NME7: variants seen among roughly 807,000 people sequenced by gnomAD.
NME7 encodes nucleoside diphosphate kinase 7.
NME7 carries 41 observed loss-of-function variants against 49.1 expected under a neutral mutation model. The ratio of observed to expected loss-of-function variants is 0.83; its 90% CI spans 0.65 to 1.08. NME7 has a LOEUF of 1.08. Ranked by LOEUF, NME7 falls within the 50% of genes least tolerant of loss-of-function variation. NME7 has a pLI of 0.00. For missense variants in NME7, 423 were observed against 463.4 expected (o/e 0.91, Z 0.80); for synonymous variants, 139 against 150.6 (o/e 0.92, Z 0.56).
chr1:169,307,420 G>A (rs1651211479), intron 4 of NME7, among the ~76,000 whole-genome samples: 3 of 152,178 alleles, frequency 2.0e-5, no homozygotes, highest in Admixed American at 2.0e-4. Flanking sequence ...CAAATGAACA[G>A]GTGTGTCAAC....
chr1:169,209,470 T>C (rs986492342), intron 10 of NME7, among the ~76,000 whole-genome samples: 2 of 152,130 alleles, frequency 1.3e-5, no homozygotes, highest in Admixed American at 1.3e-4. Context: ...AAATAAACTA[T>C]GTACTTGCTT....
intron 10 of NME7, among the ~76,000 whole-genome samples, chr1:169,171,781 C>T (rs146556858): frequency 6.6e-6 from 1 of 150,590 alleles, no homozygotes; most frequent in East Asian, 2.0e-4. Context: ...ACAACAACAA[C>T]AAAAATGGTT....
intron 7 of NME7, among the ~76,000 whole-genome samples, chr1:169,274,504 C>A (rs985941890): frequency 1.5e-5 from 2 of 133,758 alleles, no homozygotes; most frequent in African/African-American, 5.1e-5. Context: ...GCTTTTGTTG[C>A]CATTGCTTTT....
At chr1:169,208,280 GTTCATGTT>G (rs1660725632) in intron 10 of NME7, among the ~76,000 whole-genome samples, 1 of 152,062 alleles carries the variant, frequency 6.6e-6, no homozygotes, top group South Asian at 2.1e-4. Flanking sequence ...AAGGTGTCTT[GTTCATGTT>G]TTCATTGCTA....
At chr1:169,170,211 G>C (rs1659541649) in intron 10 of NME7, among the ~76,000 whole-genome samples, 1 of 152,200 alleles carries the variant, frequency 6.6e-6, no homozygotes, top group African/African-American at 2.4e-5. Context: ...GGGGGCTATA[G>C]TGATTGATAA....
At chr1:169,362,376 A>C (rs1378023749) in intron 1 of NME7, among the ~76,000 whole-genome samples, 3 of 152,232 alleles carry the variant, frequency 2.0e-5, no homozygotes, top group African/African-American at 7.2e-5. Flanking sequence ...GAAGATACAT[A>C]ATATTAATAT....
At chr1:169,142,414 T>G (rs929787462) in intron 11 of NME7, among the ~76,000 whole-genome samples, 4 of 152,222 alleles carry the variant, frequency 2.6e-5, no homozygotes, top group Non-Finnish European at 4.4e-5. Context: ...TCTTCAAGTT[T>G]TAGTAAAACG....
chr1:169,193,666 T>C (rs1229667540), intron 10 of NME7, among the ~76,000 whole-genome samples: 1 of 152,184 alleles, frequency 6.6e-6, no homozygotes, highest in East Asian at 1.9e-4. Context: ...TCCTGAGATT[T>C]TGAAATGCTA....
At chr1:169,335,085 T>C (rs1432178940) in intron 1 of NME7, among the ~76,000 whole-genome samples, 1 of 152,084 alleles carries the variant, frequency 6.6e-6, no homozygotes, top group Admixed American at 6.5e-5. Flanking sequence ...TGTGGAGAAA[T>C]AGGAATGCTT....
chr1:169,196,320 T>C (rs186400695), intron 10 of NME7, among the ~76,000 whole-genome samples: 87 of 152,308 alleles, frequency 5.7e-4, no homozygotes, highest in African/African-American at 2.0e-3. Context: ...TAATGCCATG[T>C]TCAAGGTTAT....
chr1:169,315,360 G>GT (rs1255071499), intron 3 of NME7, among the ~76,000 whole-genome samples: 1 of 151,506 alleles, frequency 6.6e-6, no homozygotes, highest in African/African-American at 2.4e-5. Context: ...CACCTCCCGG[G>GT]TTCAAGCAAT....
chr1:169,227,372 A>G (rs1359849890), intron 10 of NME7, among the ~76,000 whole-genome samples: 1 of 152,174 alleles, frequency 6.6e-6, no homozygotes. Context: ...TCAGCTCAGA[A>G]GCCATGTCTC....
At chr1:169,165,793 G>T (rs1446714096) in intron 11 of NME7, among the ~76,000 whole-genome samples, 1 of 152,072 alleles carries the variant, frequency 6.6e-6, no homozygotes, top group Non-Finnish European at 1.5e-5. Context: ...ATTGATAAGG[G>T]CATCCTTGAC....
intron 10 of NME7, among the ~76,000 whole-genome samples, chr1:169,183,955 C>T (rs936584627): frequency 5.3e-5 from 8 of 150,896 alleles, no homozygotes; most frequent in Non-Finnish European, 8.8e-5. Flanking sequence ...TTCCCTAATA[C>T]TTTATTGTAA....
At chr1:169,243,404 C>T (rs895947289) in intron 7 of NME7, among the ~76,000 whole-genome samples, 4 of 152,158 alleles carry the variant, frequency 2.6e-5, no homozygotes, top group Admixed American at 2.6e-4. Flanking sequence ...GGGGAAACAG[C>T]TAGTTTTTTC....
chr1:169,204,365 C>T (rs1009985091), intron 10 of NME7, among the ~76,000 whole-genome samples: 1 of 151,582 alleles, frequency 6.6e-6, no homozygotes, highest in African/African-American at 2.4e-5. Flanking sequence ...CAGTAACCTT[C>T]AATGGTTTTT....
chr1:169,170,509 A>G (rs927886179), intron 10 of NME7, among the ~76,000 whole-genome samples: 2 of 152,232 alleles, frequency 1.3e-5, no homozygotes, highest in Non-Finnish European at 2.9e-5. Context: ...TATTATGTTT[A>G]GGAAAAACAT....
At chr1:169,213,868 C>G (rs1485583887) in intron 10 of NME7, among the ~76,000 whole-genome samples, 2 of 151,366 alleles carry the variant, frequency 1.3e-5, no homozygotes, top group Non-Finnish European at 2.9e-5. Context: ...CACACACATA[C>G]AGGGTGTAAG....
chr1:169,333,531 G>C (rs1352713329), intron 1 of NME7, among the ~76,000 whole-genome samples: 1 of 107,172 alleles, frequency 9.3e-6, no homozygotes, highest in Non-Finnish European at 2.5e-5. Context: ...ATAAATGCTT[G>C]AGGGGACAGA....
Sources: gnomAD v4.1 joint callset for allele counts (sites outside exome capture counted in the v4.1 genomes callset) on GRCh38, gnomAD v4.1.1 for gene constraint, MANE v1.5 for transcripts, NCBI Gene and HGNC (gene_info 2026-07-23, HGNC 2026-07-21) for gene names.